The following FHIT variants were observed in gnomAD, a reference collection of about 807,000 sequenced individuals.
FHIT encodes the protein bis(5'-adenosyl)-triphosphatase.
FHIT carries 19 observed loss-of-function variants against 17.9 expected under a neutral mutation model. The observed-to-expected ratio is 1.06, with a 90% CI of 0.74 to 1.56. The LOEUF (loss-of-function observed/expected upper bound fraction) is 1.56, where lower values mean the gene tolerates loss of function less well. Among genes scored for constraint, FHIT ranks in the 40% most tolerant of loss-of-function variants. FHIT has a pLI of 0.00. For synonymous variants in FHIT, 81 were observed against 69.7 expected (o/e 1.16, Z -0.81); for missense variants, 248 against 189.2 (o/e 1.31, Z -1.82).
At chr3:60,539,820 T>G (rs1399000360) in intron 4 of FHIT, among the ~76,000 whole-genome samples, 1 of 152,042 alleles carries the variant, frequency 6.6e-6, no homozygotes, top group Non-Finnish European at 1.5e-5. Context: ...AGGGATAGCA[T>G]TAGGAGATAT....
At chr3:60,008,179 G>C (rs757149438) in intron 7 of FHIT, among the ~76,000 whole-genome samples, 1 of 152,096 alleles carries the variant, frequency 6.6e-6, no homozygotes, top group Non-Finnish European at 1.5e-5. Context: ...ACAGAGAGTA[G>C]GGGCTTTAGG....
chr3:60,462,799 G>T (rs2032557100), intron 5 of FHIT, among the ~76,000 whole-genome samples: 1 of 152,226 alleles, frequency 6.6e-6, no homozygotes, highest in Non-Finnish European at 1.5e-5. Flanking sequence ...GCATGCTGCA[G>T]GGAGATCACT....
chr3:60,369,179 C>G (rs1258103911), intron 5 of FHIT, among the ~76,000 whole-genome samples: 1 of 149,814 alleles, frequency 6.7e-6, no homozygotes, highest in Non-Finnish European at 1.5e-5. Flanking sequence ...CACCATGTTG[C>G]CCAGGCTGGT....
At chr3:60,242,811 C>A (rs1478151194) in intron 5 of FHIT, among the ~76,000 whole-genome samples, 1 of 151,938 alleles carries the variant, frequency 6.6e-6, no homozygotes. Flanking sequence ...AGTCCTTCTT[C>A]CTCATACAAA....
chr3:59,824,525 T>A (rs766977166), intron 8 of FHIT, among the ~76,000 whole-genome samples: 1 of 152,380 alleles, frequency 6.6e-6, no homozygotes, highest in East Asian at 1.9e-4. Context: ...TTTGAATTGA[T>A]AGGCCCTTTG....
At chr3:60,766,322 T>G (rs1699853089) in intron 4 of FHIT, among the ~76,000 whole-genome samples, 1 of 152,154 alleles carries the variant, frequency 6.6e-6, no homozygotes, top group Non-Finnish European at 1.5e-5. Flanking sequence ...TCAGGAGCAC[T>G]CTCTTTCCTG....
intron 3 of FHIT, among the ~76,000 whole-genome samples, chr3:61,024,125 C>T (rs1160176700): frequency 6.6e-6 from 1 of 151,914 alleles, no homozygotes; most frequent in African/African-American, 2.4e-5. Flanking sequence ...AGAGCTTCTG[C>T]TACTCATGAG....
chr3:60,587,416 C>T (rs1483113223), intron 4 of FHIT, among the ~76,000 whole-genome samples: 2 of 151,918 alleles, frequency 1.3e-5, no homozygotes, highest in Non-Finnish European at 2.9e-5. Context: ...GGCTTAAAAC[C>T]TAGATGATGG....
chr3:60,280,571 C>G (rs370193954), intron 5 of FHIT, among the ~76,000 whole-genome samples: 1 of 152,084 alleles, frequency 6.6e-6, no homozygotes, highest in African/African-American at 2.4e-5. Flanking sequence ...CACTGTCACA[C>G]CCACACCCAC....
At chr3:60,875,847 T>C (rs781960526) in intron 3 of FHIT, among the ~76,000 whole-genome samples, 1 of 151,056 alleles carries the variant, frequency 6.6e-6, no homozygotes, top group Non-Finnish European at 1.5e-5. Context: ...AGACATAGAA[T>C]TGAGAAGACA....
chr3:60,329,387 A>T (rs891633884), intron 5 of FHIT, among the ~76,000 whole-genome samples: 12 of 152,206 alleles, frequency 7.9e-5, no homozygotes, highest in African/African-American at 2.7e-4. Context: ...CTGAACCACT[A>T]CTAGAGGATT....
intron 5 of FHIT, among the ~76,000 whole-genome samples, chr3:60,390,391 G>T (rs1701172619): frequency 1.1e-5 from 1 of 94,628 alleles, no homozygotes. Context: ...AGATTGTAAT[G>T]GAGCTAAAAA....
At chr3:60,627,666 G>A (rs1553681346) in intron 4 of FHIT, among the ~76,000 whole-genome samples, 1 of 152,102 alleles carries the variant, frequency 6.6e-6, no homozygotes, top group African/African-American at 2.4e-5. Flanking sequence ...TGGGACTACA[G>A]GCATGTGCCA....
At chr3:60,832,840 A>C (rs948483606) in intron 3 of FHIT, among the ~76,000 whole-genome samples, 1 of 152,180 alleles carries the variant, frequency 6.6e-6, no homozygotes, top group African/African-American at 2.4e-5. Context: ...CATGTTAATA[A>C]AAGTTAATAA....
chr3:60,621,500 C>T (rs2039128182), intron 4 of FHIT, among the ~76,000 whole-genome samples: 1 of 151,278 alleles, frequency 6.6e-6, no homozygotes, highest in South Asian at 2.1e-4. Context: ...AAAAAGTGTT[C>T]AAACATAAAT....
chr3:61,082,333 T>C (rs1029586034), intron 2 of FHIT, among the ~76,000 whole-genome samples: 13 of 152,216 alleles, frequency 8.5e-5, no homozygotes, highest in Admixed American at 6.5e-5. Context: ...TTTATATGAA[T>C]GGTAACATTC....
chr3:60,941,791 C>A (rs2107419799), intron 3 of FHIT, among the ~76,000 whole-genome samples: 2 of 152,248 alleles, frequency 1.3e-5, no homozygotes, highest in South Asian at 2.1e-4. Flanking sequence ...TTTGATATAT[C>A]ATTTTCTTTC....
At chr3:60,861,256 T>TGATATATCATATCATATATGATACATAA (rs1703865588) in intron 3 of FHIT, among the ~76,000 whole-genome samples, 1 of 106,870 alleles carries the variant, frequency 9.4e-6, no homozygotes, top group Non-Finnish European at 1.9e-5. Flanking sequence ...ATGATACATA[T>TGATATATCATATCATATATGATACATAA]GATATATCAT....
At chr3:60,755,200 T>A (rs2042548296) in intron 4 of FHIT, among the ~76,000 whole-genome samples, 1 of 152,186 alleles carries the variant, frequency 6.6e-6, no homozygotes, top group Admixed American at 6.5e-5. Context: ...CAAACTCAAG[T>A]GTTTTCCAGC....
Sources: gnomAD v4.1 joint callset for allele counts (sites outside exome capture counted in the v4.1 genomes callset) on GRCh38, gnomAD v4.1.1 for gene constraint, MANE v1.5 for transcripts, NCBI Gene and HGNC (gene_info 2026-07-23, HGNC 2026-07-21) for gene names.